Variants in SEPTIN9 observed in about 807,000 individuals in gnomAD.
SEPTIN9 encodes the protein septin 9, also known as septin-9.
Under a neutral mutation model 56.6 loss-of-function variants are expected in SEPTIN9, and 13 were observed. That is an observed-to-expected ratio of 0.23 (90% confidence interval 0.15 to 0.37). The LOEUF is 0.37. Among genes scored for constraint, SEPTIN9 ranks in the 10% least tolerant of loss-of-function variants. The pLI is 1.00. For missense variants in SEPTIN9, 650 were observed against 823.1 expected (o/e 0.79, Z 2.57); for synonymous variants, 332 against 334.1 (o/e 0.99, Z 0.07).
At position 77,436,813 on chromosome 17, in the gene SEPTIN9, C is replaced by A. The variant is rs1265223982; in HGVS notation, c.721+34110C>A. On this transcript the variant is annotated intron_variant, in intron 3 of 11. Coordinates refer to ENST00000427177, the MANE Select transcript of SEPTIN9 (RefSeq NM_001113491.2). The surrounding 1 kb of genome is among the most constrained non-coding windows in gnomAD (Gnocchi z 4.4). Reference sequence around the variant, plus strand: ...GCCCATTCTGGCCCTGGTAAGGACACCCAGGAGAGGGCCAGGGTGCCTGTA... The same window carrying A: ...GCCCATTCTGGCCCTGGTAAGGACAACCAGGAGAGGGCCAGGGTGCCTGTA... Among the ~76,000 whole-genome samples, 1 of 152,214 alleles carries A rather than the reference C, an allele frequency of 6.6e-6. No homozygotes were observed. Among genetic ancestry groups the A allele is most frequent in the African/African-American group, 2.4e-5 (1 of 41,444 alleles).
intron 3 of SEPTIN9, among the ~76,000 whole-genome samples, chr17:77,478,337 A>G (rs1369798891): frequency 6.6e-6 from 1 of 152,244 alleles, no homozygotes; most frequent in Non-Finnish European, 1.5e-5. Context: ...TCAAAAAACG[A>G]AAACTAGAAC....
rs1268325616 is a variant in SEPTIN9 at position 77,450,626 on chromosome 17, C to T, written c.722-31518C>T. On this transcript the variant is annotated intron_variant, in intron 3 of 11. Transcript: ENST00000427177. The surrounding 1 kb of genome is among the most constrained non-coding windows in gnomAD (Gnocchi z 6.0). ...TGTCAGCTCCCTCCTCTGGGGACCC[C>T]CTTGCTTGTGCCCCTCTGGGTCCCA... 2.0e-6 allele frequency: 2 copies of T among 985,776 alleles called. No homozygotes were observed. Among genetic ancestry groups the T allele is most frequent in the Non-Finnish European group, 1.2e-6 (1 of 830,322 alleles). 61.1% of individuals were successfully genotyped at this position (985,776 alleles called of 1,614,324 possible).
chr17:77,336,328 T>C (rs187911797), intron 2 of SEPTIN9, among the ~76,000 whole-genome samples: 1 of 152,290 alleles, frequency 6.6e-6, no homozygotes, highest in Admixed American at 6.5e-5. Flanking sequence ...AAGGAAGAAT[T>C]GGCATTTTAA....
intron 2 of SEPTIN9, among the ~76,000 whole-genome samples, chr17:77,357,558 T>A (rs1164532883): frequency 3.3e-5 from 5 of 152,144 alleles, no homozygotes; most frequent in African/African-American, 4.8e-5. Context: ...TAATTTCAGG[T>A]CATCCTGATT....
Position 77,313,366 on chromosome 17 carries a change from G to T in SEPTIN9, c.76+6169G>T, listed in dbSNP as rs547346401. 2.0e-5 allele frequency among the ~76,000 whole-genome samples: 3 copies of T among 152,368 alleles called. No individual in the cohort carries two copies. Among genetic ancestry groups the T allele is most frequent in the African/African-American group, 7.2e-5 (3 of 41,588 alleles). On this transcript the variant is annotated intron_variant, in intron 2 of 11. Transcript: ENST00000427177. This position sits in a 1 kb window ranked among gnomAD's most constrained non-coding sequence, Gnocchi z 4.5. The stretch of plus-strand genomic sequence containing the variant: ...GTTTCCTTCCACGCTGACCTGGAAG[G>T]ACTCCTAAAGCAACAGGCCTGCCCA...
At position 77,488,847 on chromosome 17, in the gene SEPTIN9, C is replaced by T. The variant is rs766522937; in HGVS notation, c.1245C>T (p.Ile415=). Residue 415 remains isoleucine (I), a synonymous_variant, in exon 7 of 12, where the codon ATC becomes ATT. Coordinates refer to ENST00000427177, the MANE Select transcript of SEPTIN9 (RefSeq NM_001113491.2). ...GCGTCCACTGCTGCCTCTACTTCATCCCCGCCACCGGCCACTCGTACGTCC... is the reference window on the plus strand; with the variant it reads ...GCGTCCACTGCTGCCTCTACTTCATTCCCGCCACCGGCCACTCGTACGTCC... The part of the protein sequence containing the change: ...DTRVHCCLYF[I]PATGHSLRPL... 1 of 1,613,672 alleles carries T rather than the reference C, an allele frequency of 6.2e-7. No individual in the cohort carries two copies. Among genetic ancestry groups the T allele is most frequent in the South Asian group, 1.1e-5 (1 of 91,090 alleles).
At chr17:77,380,462 T>C (rs2035104093) in intron 2 of SEPTIN9, among the ~76,000 whole-genome samples, 1 of 151,950 alleles carries the variant, frequency 6.6e-6, no homozygotes, top group Non-Finnish European at 1.5e-5. Flanking sequence ...ACTCCTGGCA[T>C]CTCTGGGCCA....
chr17:77,320,170 AAC>A, intron 2 of SEPTIN9: 1 of 1,549,564 alleles, frequency 6.5e-7, no homozygotes, highest in Non-Finnish European at 8.7e-7. Context: ...TCGTGATTGC[AAC>A]AGATTGAAGA....
chr17:77,499,475 C>A lies in SEPTIN9; in HGVS notation c.*817C>A. 3 of 512,436 alleles carry A rather than the reference C, an allele frequency of 5.9e-6. No homozygotes were observed. The highest frequency in any genetic ancestry group is 2.3e-5 in the Admixed American group (1 of 42,620). The allele number at this position is 512,436 out of a possible 1,614,324, so 31.7% of individuals were successfully genotyped here. A position where few individuals can be genotyped will look rare whatever the true frequency, so the allele number is the denominator to read the frequency against. On this transcript the variant is annotated 3_prime_UTR_variant, in exon 12 of 12. Transcript: ENST00000427177. ...GGAGAGATGACCCCTACCCCCTCAT[C>A]CCCCAGTTTTGAAAAGGTCTAAGCA...
intron 3 of SEPTIN9, among the ~76,000 whole-genome samples, chr17:77,461,989 C>A (rs2038496061): frequency 6.6e-6 from 1 of 152,214 alleles, no homozygotes; most frequent in South Asian, 2.1e-4. Flanking sequence ...GGGAAGAATT[C>A]TCTCTCACTC....
At chr17:77,416,538 G>A (rs577383316) in intron 3 of SEPTIN9, among the ~76,000 whole-genome samples, 1 of 152,338 alleles carries the variant, frequency 6.6e-6, no homozygotes, top group African/African-American at 2.4e-5. Context: ...GTCTGTGCCT[G>A]GAGCCAGCTG....
intron 2 of SEPTIN9, among the ~76,000 whole-genome samples, chr17:77,340,694 C>T (rs933019711): frequency 1.3e-5 from 2 of 152,196 alleles, no homozygotes; most frequent in African/African-American, 4.8e-5. Context: ...TATGAAAATC[C>T]TAGATGACAT....
intron 2 of SEPTIN9, among the ~76,000 whole-genome samples, chr17:77,399,510 C>T (rs889259854): frequency 2.0e-5 from 3 of 152,132 alleles, no homozygotes; most frequent in Admixed American, 6.5e-5. Flanking sequence ...GGGAACCGCA[C>T]GAGGACCCAG....
At chr17:77,324,124 G>A (rs534643349) in intron 2 of SEPTIN9, among the ~76,000 whole-genome samples, 78 of 152,258 alleles carry the variant, frequency 5.1e-4, no homozygotes, top group Middle Eastern at 3.4e-3. Context: ...CCGTTGTCAC[G>A]GGGCCTCCTT....
At chr17:77,390,658 A>G (rs1294024266) in intron 2 of SEPTIN9, among the ~76,000 whole-genome samples, 1 of 151,778 alleles carries the variant, frequency 6.6e-6, no homozygotes, top group East Asian at 2.0e-4. Context: ...TCACTGTGTT[A>G]GCCAGGATGG....
rs561571012 is a variant in SEPTIN9 at position 77,480,430 on chromosome 17, GGGGGCTCAGT to G, written c.722-1710_722-1701del. Among the ~76,000 whole-genome samples the G allele has an allele frequency of 2.2e-3, 332 of 152,348 alleles. 3 individuals are homozygous for G. Among genetic ancestry groups the G allele is most frequent in the African/African-American group, 7.7e-3 (320 of 41,584 alleles). Reference sequence around the variant, plus strand: ...CGGCTGGGGATGCAGGCTGCAGCCAGGGGGCTCAGTGGGCATTTCCTGAGTTCGGTTCTTG... The same window carrying G: ...CGGCTGGGGATGCAGGCTGCAGCCAGGGGCATTTCCTGAGTTCGGTTCTTG... On this transcript the variant is annotated intron_variant, in intron 3 of 11. Coordinates refer to ENST00000427177, the MANE Select transcript of SEPTIN9 (RefSeq NM_001113491.2).
At chr17:77,316,226 C>T (rs1056526021) in intron 2 of SEPTIN9, among the ~76,000 whole-genome samples, 1 of 152,192 alleles carries the variant, frequency 6.6e-6, no homozygotes, top group Non-Finnish European at 1.5e-5. Context: ...TTAGTGCTTA[C>T]ACCATGCGCG....
In SEPTIN9 at chr17:77,498,549, T is replaced by TCACCAGC; in HGVS notation, c.1653_1659dup (p.Ser554HisfsTer66). On this transcript the variant is annotated frameshift_variant, in exon 12 of 12. Transcript: ENST00000427177. LOFTEE classifies it low-confidence loss of function (END_TRUNC). The stretch of plus-strand genomic sequence containing the variant: ...ACGCACATGCAGAACATCAAGGACA[T>TCACCAGC]CACCAGCAGCATCCACTTCGAGGCG... The TCACCAGC allele has an allele frequency of 7.0e-7, 1 of 1,423,412 alleles. No individual in the cohort carries two copies. The highest frequency in any genetic ancestry group is 9.5e-7 in the Non-Finnish European group (1 of 1,055,296). 88.2% of individuals were successfully genotyped at this position (1,423,412 alleles called of 1,614,324 possible).
rs771805390 is a variant in SEPTIN9, at chr17:77,475,715, G to A, written c.722-6429G>A. 6.8e-6 allele frequency: 11 copies of A among 1,613,170 alleles called. No homozygotes were observed. The Admixed American group carries it at 1.0e-4, about 15-fold the overall frequency. On this transcript the variant is annotated intron_variant, in intron 3 of 11. Coordinates refer to ENST00000427177, the MANE Select transcript of SEPTIN9 (RefSeq NM_001113491.2). This position sits in a 1 kb window ranked among gnomAD's most constrained non-coding sequence, Gnocchi z 4.6. The stretch of plus-strand genomic sequence containing the variant: ...GGTGGATGGAGGCAAGGAAGTCTTC[G>A]CCGGGGCAAGGGCACCAGCTGTAGA...
Sources: gnomAD v4.1 joint callset for allele counts (sites outside exome capture counted in the v4.1 genomes callset) on GRCh38, gnomAD v4.1.1 for gene constraint, Gnocchi (gnomAD v3.1) non-coding constraint, MANE v1.5 for transcripts, NCBI Gene and HGNC (gene_info 2026-07-23, HGNC 2026-07-21) for gene names.